The following TNPO1 variants were observed in gnomAD, a reference collection of about 807,000 sequenced individuals.
TNPO1 encodes the protein transportin 1, also known as transportin-1.
In TNPO1, 8 loss-of-function variants were observed where a neutral mutation model predicts 119.5. That is an observed-to-expected ratio of 0.07 (90% confidence interval 0.04 to 0.12). TNPO1 has a LOEUF of 0.12. Ranked by LOEUF, TNPO1 falls within the 10% of genes least tolerant of loss-of-function variation. TNPO1 has a pLI of 1.00. For synonymous variants in TNPO1, 362 were observed against 363.0 expected, an observed-to-expected ratio of 1.00 and a Z score of 0.03; for missense variants, 576 against 1,089.8, an observed-to-expected ratio of 0.53 and a Z score of 6.64.
rs942007403 is a variant in TNPO1 at position 72,909,958 on chromosome 5, G to A, written c.*1285G>A. ...AAACTTCTAAAATTTAAATTACGTG[G>A]TAAAAGATCTGTAAAAGGCTGCATA... On this transcript the variant is annotated 3_prime_UTR_variant, in exon 25 of 25. Coordinates refer to ENST00000337273, the MANE Select transcript of TNPO1 (RefSeq NM_002270.4). 6.6e-6 allele frequency: 1 copy of A among 152,532 alleles called. No homozygotes were observed. Among genetic ancestry groups the A allele is most frequent in the African/African-American group, 2.4e-5 (1 of 41,426 alleles). 9.4% of individuals were successfully genotyped at this position (152,532 alleles called of 1,614,324 possible). A position where few individuals can be genotyped will look rare whatever the true frequency, so the allele number is the denominator to read the frequency against.
At chr5:72,907,094 C>T (rs538551868) in intron 24 of TNPO1, among the ~76,000 whole-genome samples, 1 of 152,160 alleles carries the variant, frequency 6.6e-6, no homozygotes, top group Non-Finnish European at 1.5e-5. Context: ...GGACTCAAAG[C>T]TTCCAGAATG....
At chr5:72,887,700 C>T (rs1371018350) in intron 12 of TNPO1, among the ~76,000 whole-genome samples, 1 of 151,610 alleles carries the variant, frequency 6.6e-6, no homozygotes, top group Non-Finnish European at 1.5e-5. Flanking sequence ...AAAATAAAAA[C>T]AAAAAAATTA....
intron 1 of TNPO1, among the ~76,000 whole-genome samples, chr5:72,838,713 G>A (rs1744796580): frequency 6.6e-6 from 1 of 152,130 alleles, no homozygotes; most frequent in Non-Finnish European, 1.5e-5. Context: ...GTTACTTGAA[G>A]ACAAGCTACT....
intron 4 of TNPO1, among the ~76,000 whole-genome samples, chr5:72,858,490 A>G (rs1746167380): frequency 6.6e-6 from 1 of 152,140 alleles, no homozygotes; most frequent in Non-Finnish European, 1.5e-5. Flanking sequence ...GGAAAGTATG[A>G]TTGACAGATT....
intron 1 of TNPO1, among the ~76,000 whole-genome samples, chr5:72,824,617 G>A (rs1744122895): frequency 6.6e-6 from 1 of 152,202 alleles, no homozygotes; most frequent in South Asian, 2.1e-4. Flanking sequence ...TGCTGTCTCA[G>A]TGCTGGTCCT....
chr5:72,854,140 T>C (rs766820615), intron 3 of TNPO1, among the ~76,000 whole-genome samples: 3 of 152,224 alleles, frequency 2.0e-5, no homozygotes, highest in Non-Finnish European at 4.4e-5. Context: ...AAGGCAAGTT[T>C]ATTGCTTAAA....
intron 4 of TNPO1, among the ~76,000 whole-genome samples, chr5:72,860,523 C>A (rs1580410013): frequency 6.6e-6 from 1 of 152,240 alleles, no homozygotes; most frequent in East Asian, 1.9e-4. Flanking sequence ...ACTATCACAA[C>A]TCTACTGCAT....
intron 1 of TNPO1, among the ~76,000 whole-genome samples, chr5:72,836,924 G>A (rs1344101879): frequency 6.6e-6 from 1 of 152,038 alleles, no homozygotes; most frequent in Admixed American, 6.5e-5. Flanking sequence ...CCTCGTTTCT[G>A]TCTCAGAGAC....
intron 1 of TNPO1, among the ~76,000 whole-genome samples, chr5:72,822,322 A>C (rs1188634002): frequency 4.5e-5 from 5 of 112,226 alleles, no homozygotes; most frequent in Non-Finnish European, 6.1e-5. Context: ...TAAAGCAGTG[A>C]CTTTTTTTTT....
At chr5:72,847,323 G>T (rs1745173571) in intron 1 of TNPO1, among the ~76,000 whole-genome samples, 1 of 152,088 alleles carries the variant, frequency 6.6e-6, no homozygotes, top group Admixed American at 6.5e-5. Flanking sequence ...CTTACATTTT[G>T]TTGTTTTTGT....
chr5:72,900,576 A>G (rs979258614), intron 21 of TNPO1, among the ~76,000 whole-genome samples: 1 of 152,146 alleles, frequency 6.6e-6, no homozygotes, highest in Admixed American at 6.6e-5. Flanking sequence ...ACTATATCCT[A>G]TGTTTTGCTT....
At chr5:72,889,616 G>A (rs918420238) in intron 13 of TNPO1, among the ~76,000 whole-genome samples, 170 bp from the exon 14 acceptor site, 3 of 152,150 alleles carry the variant, frequency 2.0e-5, no homozygotes, top group Non-Finnish European at 2.9e-5. Flanking sequence ...TGCTATGGAA[G>A]AAATCGGTAA....
In TNPO1 at chr5:72,851,324, G is replaced by T. The variant is rs1446776913; in HGVS notation, c.205+5G>T. 2 of 1,499,896 alleles carry T rather than the reference G, an allele frequency of 1.3e-6. No homozygotes were observed. Among genetic ancestry groups the T allele is most frequent in the African/African-American group, 2.8e-5 (2 of 72,510 alleles). The allele number at this position is 1,499,896 out of a possible 1,614,324, so 92.9% of individuals were successfully genotyped here. A position where few individuals can be genotyped will look rare whatever the true frequency, so the allele number is the denominator to read the frequency against. ...TTACAAAATTAAAATCTGAAGGTAA[G>T]TAGGATTTGTATTGATAACTATTTA... is the stretch of plus-strand genomic sequence containing the variant. On this transcript the variant is annotated splice_donor_5th_base_variant and intron_variant, in intron 3 of 24. Transcript: ENST00000337273.
intron 18 of TNPO1, among the ~76,000 whole-genome samples, chr5:72,894,009 A>C (rs766512628): frequency 6.6e-6 from 1 of 152,228 alleles, no homozygotes. Flanking sequence ...TAGTTAATAG[A>C]TTCTTTTTTG....
intron 9 of TNPO1, among the ~76,000 whole-genome samples, chr5:72,880,781 A>T (rs560476835): frequency 1.4e-5 from 2 of 141,020 alleles, no homozygotes. Flanking sequence ...GTGCCATTGC[A>T]CTCCAGCCTG....
intron 18 of TNPO1, among the ~76,000 whole-genome samples, chr5:72,894,848 A>T (rs1010812917): frequency 6.6e-6 from 1 of 152,186 alleles, no homozygotes; most frequent in African/African-American, 2.4e-5. Flanking sequence ...ATGAATTCTT[A>T]TGGGAAGCTT....
At chr5:72,896,971 A>T in intron 19 of TNPO1, 85 bp from the exon 20 acceptor site, 1 of 681,638 alleles carries the variant, frequency 1.5e-6, no homozygotes, top group Non-Finnish European at 2.3e-6. Context: ...TGTCAGAGTT[A>T]ATACGGGAAG....
At chr5:72,900,134 CTCTA>C in intron 21 of TNPO1, 53 bp downstream of exon 21, 1 of 1,441,152 alleles carries the variant, frequency 6.9e-7, no homozygotes, top group Non-Finnish European at 9.7e-7. Context: ...CTCTTTCTTT[CTCTA>C]TCTCACTTTT....
chr5:72,866,944 G>T (rs1002097600), intron 6 of TNPO1, among the ~76,000 whole-genome samples: 9 of 152,066 alleles, frequency 5.9e-5, no homozygotes, highest in African/African-American at 1.9e-4. Flanking sequence ...GGAGGCTGAG[G>T]CAGGAGGATT....
Sources: allele counts gnomAD v4.1 joint callset (sites outside exome capture counted in the v4.1 genomes callset), GRCh38; gene constraint gnomAD v4.1.1; transcripts MANE v1.5; gene names NCBI Gene and HGNC (gene_info 2026-07-23, HGNC 2026-07-21).